Variants in PGBD5 observed in about 807,000 individuals in gnomAD.
The protein encoded by PGBD5 is piggyBac transposable element-derived protein 5.
A neutral mutation model predicts 47.9 loss-of-function variants in PGBD5; 14 were observed. That is an observed-to-expected ratio of 0.29 (90% CI 0.19 to 0.46). The LOEUF is 0.46. Among genes scored for constraint, PGBD5 ranks in the 20% least tolerant of loss-of-function variants. The pLI, the probability that PGBD5 is intolerant of heterozygous loss-of-function variation, is 1.00. For missense variants in PGBD5, 635 were observed against 716.0 expected (o/e 0.89, Z 1.29); for synonymous variants, 316 against 306.3 (o/e 1.03, Z -0.33).
chr1:230,361,507 G>A (rs538196113), intron 1 of PGBD5, among the ~76,000 whole-genome samples: 1 of 152,220 alleles, frequency 6.6e-6, no homozygotes, highest in South Asian at 2.1e-4. Context: ...CCACCTACCT[G>A]GGTTCCCCAC....
intron 5 of PGBD5, among the ~76,000 whole-genome samples, chr1:230,326,142 G>C (rs953891442): frequency 6.6e-6 from 1 of 152,262 alleles, no homozygotes. Context: ...AGGAGGCTGC[G>C]CACGGTGGCT....
intron 5 of PGBD5, among the ~76,000 whole-genome samples, chr1:230,329,123 G>GC (rs1553281237): frequency 3.4e-4 from 28 of 82,398 alleles, no homozygotes; most frequent in Non-Finnish European, 4.0e-4. Flanking sequence ...ATTTTTTTTT[G>GC]GGGGGGGAGG....
At chr1:230,372,600 TAC>T (rs1362513582) in intron 1 of PGBD5, among the ~76,000 whole-genome samples, 2 of 152,196 alleles carry the variant, frequency 1.3e-5, no homozygotes, top group African/African-American at 4.8e-5. Context: ...CTGATGTGGA[TAC>T]AGTGGGAAAG....
At chr1:230,335,192 GAC>G (rs1160515465) in intron 4 of PGBD5, among the ~76,000 whole-genome samples, 4 of 45,184 alleles carry the variant, frequency 8.9e-5, no homozygotes, top group East Asian at 6.9e-4. Flanking sequence ...CAGACTTACA[GAC>G]ACACACAGAT....
At chr1:230,360,439 T>C (rs1043756006) in intron 1 of PGBD5, among the ~76,000 whole-genome samples, 3 of 152,154 alleles carry the variant, frequency 2.0e-5, no homozygotes, top group Admixed American at 2.0e-4. Flanking sequence ...TGGCTCTGTG[T>C]CCCCACCCAA....
At position 230,327,879 on chromosome 1, in the gene PGBD5, T is replaced by C. The variant is rs116859236; in HGVS notation, c.1274-2464A>G. ...TTGTCACACTTGGGGCCACAGCATG[T>C]GGCCCGTGCAGGTCTCCCATCTCCA... On this transcript the variant is annotated intron_variant, in intron 5 of 6. Transcript: ENST00000391860. Among the ~76,000 whole-genome samples, 594 of 152,330 alleles carry C rather than the reference T, an allele frequency of 3.9e-3. 8 individuals are homozygous for C. The East Asian group carries it at 0.052, about 13-fold the overall frequency.
At chr1:230,421,290 C>A (rs543264982) in intron 1 of PGBD5, among the ~76,000 whole-genome samples, 2 of 152,274 alleles carry the variant, frequency 1.3e-5, no homozygotes, top group East Asian at 3.9e-4. Context: ...TGAGTTAAAA[C>A]TCACAGAACT....
chr1:230,352,061 T>G (rs1667567400), intron 2 of PGBD5, among the ~76,000 whole-genome samples: 1 of 151,694 alleles, frequency 6.6e-6, no homozygotes, highest in Non-Finnish European at 1.5e-5. Context: ...AAATGAAGAG[T>G]GCAGGCAATG....
At chr1:230,355,986 C>T (rs1667639411) in intron 2 of PGBD5, among the ~76,000 whole-genome samples, 6 of 152,176 alleles carry the variant, frequency 3.9e-5, no homozygotes, top group Admixed American at 3.3e-4. Flanking sequence ...AGAGGACCTA[C>T]AAGAGAATGG....
chr1:230,401,400 TG>T (rs1657135428), intron 1 of PGBD5, among the ~76,000 whole-genome samples: 1 of 152,152 alleles, frequency 6.6e-6, no homozygotes, highest in Non-Finnish European at 1.5e-5. Context: ...GCTCTTCTCA[TG>T]GGGAACTCCC....
chr1:230,355,874 A>C (rs1191531649), intron 2 of PGBD5, among the ~76,000 whole-genome samples: 2 of 152,154 alleles, frequency 1.3e-5, no homozygotes, highest in Non-Finnish European at 2.9e-5. Context: ...ATCCAGAGAG[A>C]ATGTAAGGCT....
At chr1:230,370,541 T>C (rs138465551) in intron 1 of PGBD5, among the ~76,000 whole-genome samples, 3 of 152,356 alleles carry the variant, frequency 2.0e-5, no homozygotes, top group African/African-American at 7.2e-5. Context: ...CACTTATTCT[T>C]TGATGACAAA....
intron 1 of PGBD5, among the ~76,000 whole-genome samples, chr1:230,402,757 G>A (rs1275530432): frequency 1.3e-5 from 2 of 152,144 alleles, no homozygotes; most frequent in South Asian, 2.1e-4. Flanking sequence ...CAAAGCACTG[G>A]GTTGATAGGC....
At chr1:230,355,829 G>A (rs906696914) in intron 2 of PGBD5, among the ~76,000 whole-genome samples, 1 of 152,130 alleles carries the variant, frequency 6.6e-6, no homozygotes, top group African/African-American at 2.4e-5. Context: ...AAATCATAAC[G>A]AGCCTGACAT....
At chr1:230,359,006 CTA>C (rs1240391409) in intron 1 of PGBD5, among the ~76,000 whole-genome samples, 1 of 152,070 alleles carries the variant, frequency 6.6e-6, no homozygotes, top group Admixed American at 6.5e-5. Context: ...GATACACTAA[CTA>C]TATGTAGAGA....
At chr1:230,422,902 T>C (rs1657688349) in intron 1 of PGBD5, among the ~76,000 whole-genome samples, 1 of 150,612 alleles carries the variant, frequency 6.6e-6, no homozygotes, top group African/African-American at 2.4e-5. Context: ...CACTCCCTTA[T>C]GGTGGGGGTG....
At chr1:230,410,633 A>C (rs1367404885) in intron 1 of PGBD5, among the ~76,000 whole-genome samples, 3 of 152,146 alleles carry the variant, frequency 2.0e-5, no homozygotes, top group Non-Finnish European at 2.9e-5. Context: ...AAGGGAAAAG[A>C]GAACACTTCA....
chr1:230,326,608 G>A lies in PGBD5; in HGVS notation c.1274-1193C>T, dbSNP rs527530904. Among the ~76,000 whole-genome samples the A allele has an allele frequency of 6.6e-5, 10 of 152,202 alleles. No homozygotes were observed. The East Asian group carries it at 1.7e-3, about 26-fold the overall frequency. On this transcript the variant is annotated intron_variant, in intron 5 of 6. Transcript: ENST00000391860. The stretch of plus-strand genomic sequence containing the variant: ...CAAGGAGCTGGGATCACAGGTACAT[G>A]CCACCATGCCCAGCTAATTAAAACA...
In PGBD5 at chr1:230,377,510, C is replaced by T. The variant is rs759013814; in HGVS notation, c.332-20189G>A. Reference sequence around the variant, plus strand: ...AAGACAGCTGTACCTGTGAATGAATCGCTTGGCTGCAGATCCCGGCCGGGC... The same window carrying T: ...AAGACAGCTGTACCTGTGAATGAATTGCTTGGCTGCAGATCCCGGCCGGGC... On this transcript the variant is annotated intron_variant, in intron 1 of 6. Coordinates refer to ENST00000391860, the MANE Select transcript of PGBD5 (RefSeq NM_001258311.2). 9.9e-6 allele frequency: 16 copies of T among 1,612,636 alleles called. No individual in the cohort carries two copies. In the African/African-American group the frequency reaches 1.2e-4, roughly 12 times the overall value.
Sources: allele counts gnomAD v4.1 joint callset (sites outside exome capture counted in the v4.1 genomes callset), GRCh38; gene constraint gnomAD v4.1.1; transcripts MANE v1.5; gene names NCBI Gene and HGNC (gene_info 2026-07-23, HGNC 2026-07-21).